Variants in NRG1 observed in about 807,000 individuals in gnomAD.
The protein encoded by NRG1 is neuregulin 1.
NRG1 carries 18 observed loss-of-function variants against 63.8 expected under a neutral mutation model. The ratio of observed to expected loss-of-function variants is 0.28; its 90% CI spans 0.19 to 0.42. The LOEUF (loss-of-function observed/expected upper bound fraction) is 0.42. NRG1 is among the 10% of genes least tolerant of loss of function. The pLI is 1.00. For missense variants in NRG1, 762 were observed against 814.7 expected (o/e 0.94, Z 0.79); for synonymous variants, 302 against 301.3 (o/e 1.00, Z -0.02).
At chr8:32,461,540 A>G (rs1484570678) in intron 1 of NRG1, among the ~76,000 whole-genome samples, 1 of 152,162 alleles carries the variant, frequency 6.6e-6, no homozygotes, top group Non-Finnish European at 1.5e-5. Context: ...CTCTACTAAA[A>G]ATACAAAATT....
chr8:32,508,664 T>G (rs1039827599), intron 1 of NRG1, among the ~76,000 whole-genome samples: 3 of 152,038 alleles, frequency 2.0e-5, no homozygotes, highest in African/African-American at 7.2e-5. Context: ...ATATGTAGAA[T>G]TATTAGGAAA....
intron 1 of NRG1, among the ~76,000 whole-genome samples, chr8:31,871,749 T>A (rs1829503802): frequency 6.6e-6 from 1 of 152,160 alleles, no homozygotes; most frequent in African/African-American, 2.4e-5. Flanking sequence ...ATCTAATTCC[T>A]CCTTTTAAAA....
At chr8:31,768,478 T>A (rs1818295792) in intron 1 of NRG1, among the ~76,000 whole-genome samples, 1 of 152,186 alleles carries the variant, frequency 6.6e-6, no homozygotes, top group South Asian at 2.1e-4. Flanking sequence ...GTGCATCATC[T>A]GTGAAGATGA....
chr8:31,792,955 A>G (rs1407932883), intron 1 of NRG1, among the ~76,000 whole-genome samples: 1 of 152,186 alleles, frequency 6.6e-6, no homozygotes, highest in East Asian at 1.9e-4. Context: ...TAATTCTCAC[A>G]CCCATGTAAT....
rs138877624 is a variant in NRG1 at position 31,767,124 on chromosome 8, G to A, written c.37+127693G>A. 7.2e-5 allele frequency among the ~76,000 whole-genome samples: 11 copies of A among 152,156 alleles called. No homozygotes were observed. The East Asian group carries it at 2.1e-3, about 29-fold the overall frequency. ...AAGTTGGTCTTCCTCTTAACACGAAGAAAAGAATGACATTCTTCATGACCG... is the reference window on the plus strand; with the variant it reads ...AAGTTGGTCTTCCTCTTAACACGAAAAAAAGAATGACATTCTTCATGACCG... On this transcript the variant is annotated intron_variant, in intron 1 of 10. Transcript: ENST00000519301.
At chr8:32,332,989 G>A (rs1802829546) in intron 1 of NRG1, among the ~76,000 whole-genome samples, 1 of 152,072 alleles carries the variant, frequency 6.6e-6, no homozygotes, top group Non-Finnish European at 1.5e-5. Context: ...TTAAAATTTT[G>A]TTCTTTATCC....
chr8:31,826,547 T>C (rs1269398826), intron 1 of NRG1, among the ~76,000 whole-genome samples: 1 of 152,216 alleles, frequency 6.6e-6, no homozygotes, highest in African/African-American at 2.4e-5. Flanking sequence ...TACTCTTTTC[T>C]TTATAAATTA....
At chr8:31,773,487 C>T (rs1404897318) in intron 1 of NRG1, among the ~76,000 whole-genome samples, 1 of 152,188 alleles carries the variant, frequency 6.6e-6, no homozygotes, top group East Asian at 1.9e-4. Context: ...TAGCTCAAAC[C>T]ATCATAGTCT....
intron 1 of NRG1, among the ~76,000 whole-genome samples, chr8:32,338,497 ATGTC>A (rs1393407144): frequency 2.0e-5 from 3 of 152,114 alleles, no homozygotes; most frequent in Non-Finnish European, 4.4e-5. Context: ...AGCCTTCAAA[ATGTC>A]TGTACGCTAG....
intron 1 of NRG1, among the ~76,000 whole-genome samples, chr8:32,219,498 C>G (rs559860673): frequency 2.0e-5 from 3 of 152,176 alleles, no homozygotes; most frequent in Non-Finnish European, 2.9e-5. Flanking sequence ...ACATACCACC[C>G]AGTTTTCAGT....
At chr8:32,047,153 G>C (rs560675321) in intron 1 of NRG1, among the ~76,000 whole-genome samples, 2 of 152,044 alleles carry the variant, frequency 1.3e-5, no homozygotes, top group Admixed American at 1.3e-4. Context: ...CACCAATGCT[G>C]ATTATTTGAG....
intron 7 of NRG1, among the ~76,000 whole-genome samples, chr8:32,748,235 G>T (rs1223112476): frequency 1.3e-4 from 20 of 151,964 alleles, no homozygotes; most frequent in Admixed American, 1.3e-3. Flanking sequence ...TATCTCTCGA[G>T]GCAGTGATCA....
At chr8:32,509,582 G>T (rs964970045) in intron 1 of NRG1, among the ~76,000 whole-genome samples, 2 of 152,152 alleles carry the variant, frequency 1.3e-5, no homozygotes, top group Admixed American at 6.6e-5. Flanking sequence ...TTAAAGGAGA[G>T]GGGGAAGAGT....
chr8:32,504,887 A>G (rs963450226), intron 1 of NRG1, among the ~76,000 whole-genome samples: 7 of 152,204 alleles, frequency 4.6e-5, no homozygotes, highest in African/African-American at 7.2e-5. Context: ...GTTTTAGTCA[A>G]CAGAAATTAA....
intron 1 of NRG1, among the ~76,000 whole-genome samples, chr8:31,849,015 G>A (rs1826957122): frequency 6.6e-6 from 1 of 152,180 alleles, no homozygotes; most frequent in South Asian, 2.1e-4. Context: ...GGGGATTGCA[G>A]CTTTAATAGA....
At chr8:32,179,830 G>C (rs1301977606) in intron 1 of NRG1, among the ~76,000 whole-genome samples, 2 of 151,970 alleles carry the variant, frequency 1.3e-5, no homozygotes, top group African/African-American at 4.8e-5. Context: ...TATGGTTATA[G>C]TATTTAGTTT....
chr8:32,402,464 T>G (rs12543406), intron 1 of NRG1, among the ~76,000 whole-genome samples: 23,076 of 152,208 alleles, frequency 0.15, 2,036 homozygotes, highest in Admixed American at 0.26. Flanking sequence ...TGCATGCCAT[T>G]CTGAGTAGCG....
At chr8:32,051,851 C>T (rs1048364431) in intron 1 of NRG1, among the ~76,000 whole-genome samples, 1 of 152,120 alleles carries the variant, frequency 6.6e-6, no homozygotes, top group Admixed American at 6.6e-5. Context: ...TGACTTGATC[C>T]TTACAACATA....
chr8:31,912,356 GC>G (rs924156592), intron 1 of NRG1, among the ~76,000 whole-genome samples: 3 of 152,052 alleles, frequency 2.0e-5, no homozygotes, highest in African/African-American at 7.2e-5. Context: ...AAAGATGACA[GC>G]TAGCAGAGCT....
Sources: gnomAD v4.1 joint callset for allele counts (sites outside exome capture counted in the v4.1 genomes callset) on GRCh38, gnomAD v4.1.1 for gene constraint, MANE v1.5 for transcripts, NCBI Gene and HGNC (gene_info 2026-07-23, HGNC 2026-07-21) for gene names.